ELP4: variants seen among roughly 807,000 people sequenced by gnomAD.
ELP4 encodes elongator acetyltransferase complex subunit 4, also known as elongator complex protein 4.
Under a neutral mutation model 48.9 loss-of-function variants are expected in ELP4, and 51 were observed. That is an observed-to-expected ratio of 1.04 (90% CI 0.83 to 1.32). The LOEUF (loss-of-function observed/expected upper bound fraction) is 1.32. Ranked by LOEUF, ELP4 falls within the 40% of genes most tolerant of loss-of-function variation. The pLI, the probability that ELP4 is intolerant of heterozygous loss-of-function variation, is 0.00. For synonymous variants in ELP4, 210 were observed against 189.2 expected (o/e 1.11, Z -0.90); for missense variants, 519 against 514.6 (o/e 1.01, Z -0.08).
At chr11:31,715,294 T>C (rs919961964) in intron 9 of ELP4, among the ~76,000 whole-genome samples, 2 of 152,156 alleles carry the variant, frequency 1.3e-5, no homozygotes, top group African/African-American at 4.8e-5. Flanking sequence ...AAGAAGGGAA[T>C]AAGAAGCCAG....
At chr11:31,652,792 C>G (rs7108390) in intron 9 of ELP4, 1 of 151,546 alleles carries the variant, frequency 6.6e-6, no homozygotes, top group African/African-American at 2.4e-5. Context: ...AATAACATTT[C>G]CAATTCCACA....
intron 9 of ELP4, among the ~76,000 whole-genome samples, chr11:31,734,771 TA>T (rs759753011): frequency 1.3e-5 from 2 of 152,160 alleles, no homozygotes; most frequent in Non-Finnish European, 2.9e-5. Context: ...TTGATATTGT[TA>T]AAATGTTCAT....
chr11:31,687,888 A>G (rs1946195593), intron 9 of ELP4, among the ~76,000 whole-genome samples: 1 of 152,214 alleles, frequency 6.6e-6, no homozygotes, highest in Admixed American at 6.5e-5. Context: ...CCCAAACCAA[A>G]TTAAGTATAA....
At position 31,752,469 on chromosome 11, in the gene ELP4, G is replaced by T. The variant is rs569738996; in HGVS notation, c.1144-30924G>T. ...GGAGTAAGAATGTCCACTCTCTCAG[G>T]GTCTATTTTGCATTGTTACTAGAGA... On this transcript the variant is annotated intron_variant, in intron 9 of 9. Transcript: ENST00000640961. 6.6e-5 allele frequency among the ~76,000 whole-genome samples: 10 copies of T among 152,056 alleles called. No individual in the cohort carries two copies. The South Asian group carries it at 1.9e-3, about 28-fold the overall frequency.
rs532649917 is a variant in ELP4, at chr11:31,670,130, G to A, written c.1143+19909G>A. On this transcript the variant is annotated intron_variant, in intron 9 of 9. Coordinates refer to ENST00000640961, the MANE Select transcript of ELP4 (RefSeq NM_019040.5). ...GCATTAAAACCCTATCAAATAATTT[G>A]ATTTGAATTTAAATGCATTTTTTAG... Among the ~76,000 whole-genome samples the A allele has an allele frequency of 2.0e-5, 3 of 152,154 alleles. No homozygotes were observed. The South Asian group carries it at 6.2e-4, about 32-fold the overall frequency.
chr11:31,582,204 C>A (rs1180016201), intron 3 of ELP4, among the ~76,000 whole-genome samples: 1 of 152,118 alleles, frequency 6.6e-6, no homozygotes, highest in East Asian at 1.9e-4. Context: ...ATGTCTTCAT[C>A]TATATAAAAT....
At chr11:31,551,168 C>T (rs533775898) in intron 3 of ELP4, among the ~76,000 whole-genome samples, 1 of 152,104 alleles carries the variant, frequency 6.6e-6, no homozygotes, top group Non-Finnish European at 1.5e-5. Flanking sequence ...GTCAGCTGAA[C>T]CAATTGAAAT....
At chr11:31,510,391 C>T in intron 1 of ELP4, 1 of 417,020 alleles carries the variant, frequency 2.4e-6, no homozygotes, top group East Asian at 3.3e-5. Context: ...TTTAGACCAG[C>T]CTGCAAAAGT....
intron 9 of ELP4, among the ~76,000 whole-genome samples, chr11:31,782,337 G>T (rs961214345): frequency 2.6e-5 from 4 of 152,056 alleles, no homozygotes; most frequent in African/African-American, 9.7e-5. Context: ...ATATTGAAGA[G>T]AATTTTCCAA....
At chr11:31,563,704 C>T (rs947611048) in intron 3 of ELP4, among the ~76,000 whole-genome samples, 7 of 152,122 alleles carry the variant, frequency 4.6e-5, no homozygotes, top group Admixed American at 2.0e-4. Context: ...TCCTTCCCAT[C>T]CTGTCATCTG....
At chr11:31,548,835 A>G (rs541336508) in intron 3 of ELP4, among the ~76,000 whole-genome samples, 3 of 152,364 alleles carry the variant, frequency 2.0e-5, no homozygotes, top group East Asian at 1.9e-4. Context: ...AATGCTGCAT[A>G]TCTACAAATA....
intron 9 of ELP4, among the ~76,000 whole-genome samples, chr11:31,678,541 GTA>G (rs771176089): frequency 0.025 from 1,794 of 71,266 alleles, 28 homozygotes; most frequent in African/African-American, 0.075. Context: ...GTGTGTGTGT[GTA>G]TATGTGCATT....
At position 31,684,839 on chromosome 11, in the gene ELP4, C is replaced by A. The variant is rs146168495; in HGVS notation, c.1143+34618C>A. On this transcript the variant is annotated intron_variant, in intron 9 of 9. Transcript: ENST00000640961. ...TGATATGAAAGACTGTTACAATAGA[C>A]TTTTAGAAAGAAACACTGAACACTG... Among the ~76,000 whole-genome samples, 472 of 152,260 alleles carry A rather than the reference C, an allele frequency of 3.1e-3. 2 individuals carry two copies. Among genetic ancestry groups the A allele is most frequent in the African/African-American group, 0.011 (457 of 41,540 alleles).
chr11:31,533,573 A>G (rs1010779424), intron 2 of ELP4, among the ~76,000 whole-genome samples: 3 of 150,486 alleles, frequency 2.0e-5, no homozygotes, highest in East Asian at 2.0e-4. Flanking sequence ...ATTTTTTAGT[A>G]GAGACGGGGT....
At chr11:31,577,674 A>G (rs1402641973) in intron 3 of ELP4, among the ~76,000 whole-genome samples, 1 of 152,222 alleles carries the variant, frequency 6.6e-6, no homozygotes, top group East Asian at 1.9e-4. Flanking sequence ...CATCGTATAA[A>G]CAGAACCAAA....
intron 9 of ELP4, among the ~76,000 whole-genome samples, chr11:31,688,627 A>C (rs965282520): frequency 1.3e-5 from 2 of 152,234 alleles, no homozygotes; most frequent in Non-Finnish European, 2.9e-5. Context: ...TTCAAAATCT[A>C]TACAGCACAT....
chr11:31,520,141 T>C lies in ELP4; in HGVS notation c.259+50T>C, dbSNP rs1956189063. The C allele has an allele frequency of 2.0e-6, 3 of 1,487,184 alleles. No individual in the cohort carries two copies. In the East Asian group the frequency reaches 7.0e-5, roughly 35 times the overall value. 92.1% of individuals were successfully genotyped at this position (1,487,184 alleles called of 1,614,324 possible). On this transcript the variant is annotated intron_variant, in intron 2 of 9. Coordinates refer to ENST00000640961, the MANE Select transcript of ELP4 (RefSeq NM_019040.5). ...TCTCCTCTATCATTGTTTTCTGTTG[T>C]GCATAATCATTTTATCCAATTCCCA... is the stretch of plus-strand genomic sequence containing the variant.
At chr11:31,639,753 C>A (rs192796717) in intron 7 of ELP4, among the ~76,000 whole-genome samples, 34 of 151,832 alleles carry the variant, frequency 2.2e-4, no homozygotes, top group African/African-American at 7.5e-4. Context: ...AAGAGAAGTA[C>A]GATTCAGAAA....
chr11:31,780,664 A>G (rs950029003), intron 9 of ELP4: 5 of 152,186 alleles, frequency 3.3e-5, no homozygotes, highest in African/African-American at 1.2e-4. Flanking sequence ...ACATTTAGCT[A>G]CTTTTTCTCT....
Sources: allele counts gnomAD v4.1 joint callset (sites outside exome capture counted in the v4.1 genomes callset), GRCh38; gene constraint gnomAD v4.1.1; transcripts MANE v1.5; gene names NCBI Gene and HGNC (gene_info 2026-07-23, HGNC 2026-07-21).